The following PPFIA2 variants were observed in gnomAD, a reference collection of about 807,000 sequenced individuals.
PPFIA2 encodes the protein PPFI scaffold protein A2.
Under a neutral mutation model 175.5 loss-of-function variants are expected in PPFIA2, and 46 were observed. The observed-to-expected ratio is 0.26, with a 90% confidence interval of 0.21 to 0.34. The LOEUF is 0.34. Ranked by LOEUF, PPFIA2 falls within the 10% of genes least tolerant of loss-of-function variation. The pLI is 1.00. For missense variants in PPFIA2, 1,179 were observed against 1,506.1 expected (o/e 0.78, Z 3.60); for synonymous variants, 568 against 511.4 (o/e 1.11, Z -1.49).
intron 4 of PPFIA2, among the ~76,000 whole-genome samples, chr12:81,510,950 T>C (rs1355599038): frequency 6.6e-6 from 1 of 152,128 alleles, no homozygotes; most frequent in Non-Finnish European, 1.5e-5. Context: ...GTTTTCTTTA[T>C]AGTTTTCCTT....
chr12:81,373,874 A>G (rs1566526615), intron 11 of PPFIA2, among the ~76,000 whole-genome samples: 1 of 152,044 alleles, frequency 6.6e-6, no homozygotes, highest in Non-Finnish European at 1.5e-5. Context: ...AAAAATATAA[A>G]TTGTGTGATT....
intron 9 of PPFIA2, among the ~76,000 whole-genome samples, chr12:81,379,339 T>C (rs978219443): frequency 3.3e-5 from 5 of 152,192 alleles, no homozygotes; most frequent in Non-Finnish European, 7.3e-5. Context: ...ATTTAATAAA[T>C]ATAACTCTCT....
chr12:81,311,536 A>G (rs1275488759), intron 22 of PPFIA2, among the ~76,000 whole-genome samples: 2 of 151,956 alleles, frequency 1.3e-5, no homozygotes, highest in Non-Finnish European at 2.9e-5. Flanking sequence ...GATCGAGACC[A>G]TCCTGACTAA....
At chr12:81,499,563 T>C (rs2060378526) in intron 4 of PPFIA2, among the ~76,000 whole-genome samples, 1 of 152,148 alleles carries the variant, frequency 6.6e-6, no homozygotes, top group Admixed American at 6.5e-5. Context: ...CCAGGATAGC[T>C]TTGTACTGTG....
At chr12:81,597,169 A>G (rs150728685) in intron 4 of PPFIA2, among the ~76,000 whole-genome samples, 260 of 152,180 alleles carry the variant, frequency 1.7e-3, no homozygotes, top group African/African-American at 5.8e-3. Context: ...TCATGTAACG[A>G]TGATATGACT....
chr12:81,355,139 C>T (rs550767569), intron 16 of PPFIA2, among the ~76,000 whole-genome samples: 27 of 152,260 alleles, frequency 1.8e-4, no homozygotes, highest in African/African-American at 3.6e-4. Flanking sequence ...GCTTTATCCA[C>T]GGGCTACAGA....
chr12:81,467,804 G>T (rs1213209424), intron 4 of PPFIA2, among the ~76,000 whole-genome samples: 1 of 152,108 alleles, frequency 6.6e-6, no homozygotes, highest in Non-Finnish European at 1.5e-5. Flanking sequence ...TTTGAGAGGA[G>T]CCCAGCTGCC....
chr12:81,593,411 T>C (rs1461048064), intron 4 of PPFIA2, among the ~76,000 whole-genome samples: 1 of 152,214 alleles, frequency 6.6e-6, no homozygotes, highest in African/African-American at 2.4e-5. Context: ...TAATAAATAG[T>C]TACGTCTCAC....
chr12:81,745,924 G>A (rs187803967), intron 3 of PPFIA2, among the ~76,000 whole-genome samples: 2 of 152,272 alleles, frequency 1.3e-5, no homozygotes, highest in Admixed American at 1.3e-4. Flanking sequence ...ACATGGAGTG[G>A]TAGACTATGT....
At chr12:81,538,285 TAAAGA>T (rs1158096933) in intron 4 of PPFIA2, among the ~76,000 whole-genome samples, 1 of 151,884 alleles carries the variant, frequency 6.6e-6, no homozygotes, top group Non-Finnish European at 1.5e-5. Context: ...ATGACAATAT[TAAAGA>T]AAAGAAGTTG....
intron 4 of PPFIA2, among the ~76,000 whole-genome samples, chr12:81,663,579 G>A (rs1231860935): frequency 6.6e-6 from 1 of 152,168 alleles, no homozygotes; most frequent in Non-Finnish European, 1.5e-5. Context: ...CTCATGGATA[G>A]GAAGAATCAA....
chr12:81,405,217 C>T (rs1451452408), intron 8 of PPFIA2, among the ~76,000 whole-genome samples: 1 of 152,120 alleles, frequency 6.6e-6, no homozygotes, highest in African/African-American at 2.4e-5. Context: ...ATGTAAAAGT[C>T]CCATGACTTC....
At chr12:81,438,777 C>T (rs1306061197) in intron 7 of PPFIA2, among the ~76,000 whole-genome samples, 1 of 152,020 alleles carries the variant, frequency 6.6e-6, no homozygotes, top group Non-Finnish European at 1.5e-5. Context: ...TTTGGAGTAT[C>T]CACCACATTA....
At chr12:81,701,850 G>A (rs1157983488) in intron 3 of PPFIA2, among the ~76,000 whole-genome samples, 2 of 139,222 alleles carry the variant, frequency 1.4e-5, no homozygotes, top group African/African-American at 2.6e-5. Context: ...GATGAACCCC[G>A]AACTGAACTC....
chr12:81,374,396 A>G (rs2035889132), intron 11 of PPFIA2, among the ~76,000 whole-genome samples: 1 of 152,098 alleles, frequency 6.6e-6, no homozygotes, highest in South Asian at 2.1e-4. Flanking sequence ...AATGACATGA[A>G]ATTTTACTTG....
chr12:81,745,768 G>A (rs368371627), intron 3 of PPFIA2, among the ~76,000 whole-genome samples: 3 of 152,002 alleles, frequency 2.0e-5, no homozygotes, highest in African/African-American at 7.2e-5. Flanking sequence ...TCTGCTATAT[G>A]GGCATCCACA....
intron 24 of PPFIA2, among the ~76,000 whole-genome samples, chr12:81,286,052 T>C (rs958183464): frequency 6.6e-6 from 1 of 151,946 alleles, no homozygotes; most frequent in African/African-American, 2.4e-5. Context: ...GATTTTTGTG[T>C]TTGTGTCTTA....
At chr12:81,351,797 T>C (rs900293890) in intron 17 of PPFIA2, among the ~76,000 whole-genome samples, 2 of 151,048 alleles carry the variant, frequency 1.3e-5, no homozygotes, top group Non-Finnish European at 2.9e-5. Context: ...CCCAGCTACT[T>C]GGAAGGCTGA....
chr12:81,332,875 A>T (rs1390565799), intron 21 of PPFIA2, among the ~76,000 whole-genome samples: 5 of 152,310 alleles, frequency 3.3e-5, no homozygotes, highest in Non-Finnish European at 2.9e-5. Context: ...CAACTACATG[A>T]TCCTCACATA....
Sources: gnomAD v4.1 joint callset for allele counts (sites outside exome capture counted in the v4.1 genomes callset) on GRCh38, gnomAD v4.1.1 for gene constraint, MANE v1.5 for transcripts, NCBI Gene and HGNC (gene_info 2026-07-23, HGNC 2026-07-21) for gene names.